The following EPB41L4B variants were observed in gnomAD, a reference collection of about 807,000 sequenced individuals.
EPB41L4B encodes band 4.1-like protein 4B.
A neutral mutation model predicts 112.5 loss-of-function variants in EPB41L4B; 30 were observed. The ratio of observed to expected loss-of-function variants is 0.27; its 90% CI spans 0.20 to 0.36. EPB41L4B has a LOEUF of 0.36. Ranked by LOEUF, EPB41L4B falls within the 10% of genes least tolerant of loss-of-function variation. The pLI is 1.00. For missense variants in EPB41L4B, 1,024 were observed against 1,133.3 expected (o/e 0.90, Z 1.38); for synonymous variants, 408 against 439.7 (o/e 0.93, Z 0.90).
intron 1 of EPB41L4B, among the ~76,000 whole-genome samples, chr9:109,318,220 T>G (rs1837706416): frequency 6.6e-6 from 1 of 151,924 alleles, no homozygotes; most frequent in South Asian, 2.1e-4. Flanking sequence ...CTAAGTCACA[T>G]CATAGAGGAA....
At chr9:109,245,833 C>T (rs3793562) in intron 14 of EPB41L4B, among the ~76,000 whole-genome samples, 12 of 152,304 alleles carry the variant, frequency 7.9e-5, no homozygotes, top group East Asian at 7.7e-4. Context: ...CCAAAGGACC[C>T]GTGGTTGCCA....
At chr9:109,306,040 A>C (rs1837178619) in intron 1 of EPB41L4B, among the ~76,000 whole-genome samples, 1 of 152,232 alleles carries the variant, frequency 6.6e-6, no homozygotes, top group African/African-American at 2.4e-5. Flanking sequence ...AGCCGTGAAG[A>C]AAAACTGGAG....
chr9:109,198,929 AAAAAAAAAAAAAAG>A (rs1832732695), intron 20 of EPB41L4B, among the ~76,000 whole-genome samples: 1 of 151,420 alleles, frequency 6.6e-6, no homozygotes, highest in African/African-American at 2.4e-5. Flanking sequence ...CTGTCTCAAA[AAAAAAAAAAAAAAG>A]GGAAATACCA....
At chr9:109,191,755 G>C (rs1233383308) in intron 22 of EPB41L4B, among the ~76,000 whole-genome samples, 1 of 152,128 alleles carries the variant, frequency 6.6e-6, no homozygotes, top group African/African-American at 2.4e-5. Context: ...GACCCACCAG[G>C]CCCTTTACTT....
intron 6 of EPB41L4B, among the ~76,000 whole-genome samples, chr9:109,258,714 T>C (rs1443117591): frequency 1.8e-4 from 28 of 152,098 alleles, no homozygotes; most frequent in Admixed American, 1.6e-3. Flanking sequence ...GGGTCTGCAG[T>C]GCTGGAGAGG....
chr9:109,247,625 T>C (rs1834608703), intron 14 of EPB41L4B, 131 bp downstream of exon 14: 1 of 573,074 alleles, frequency 1.7e-6, no homozygotes, highest in African/African-American at 1.9e-5. Context: ...GTTATTATTT[T>C]CTCAAAATCT....
intron 1 of EPB41L4B, among the ~76,000 whole-genome samples, chr9:109,290,310 T>A (rs777748910): frequency 6.6e-6 from 1 of 152,220 alleles, no homozygotes; most frequent in East Asian, 1.9e-4. Flanking sequence ...AAAGGAATTA[T>A]TGTGACTTTC....
intron 1 of EPB41L4B, among the ~76,000 whole-genome samples, chr9:109,303,812 T>C (rs77260348): frequency 0.041 from 6,242 of 151,772 alleles, 264 homozygotes; most frequent in East Asian, 0.14. Flanking sequence ...AGCCTTTTAT[T>C]TTTTTTTAAA....
At chr9:109,182,398 G>A (rs1270931062) in intron 24 of EPB41L4B, among the ~76,000 whole-genome samples, 1 of 152,194 alleles carries the variant, frequency 6.6e-6, no homozygotes, top group Non-Finnish European at 1.5e-5. Context: ...TTGCCAGCAG[G>A]TAGGAACAAA....
At position 109,200,186 on chromosome 9, in the gene EPB41L4B, A is replaced by G. The variant is rs150129866; in HGVS notation, c.2045+50T>C. On this transcript the variant is annotated intron_variant, in intron 20 of 25. Coordinates refer to ENST00000374566, the MANE Select transcript of EPB41L4B (RefSeq NM_019114.5). Reference sequence around the variant, plus strand: ...GCTAAGAAGCATTTGTATCTAAACAATTAGTCATCATAGTTGTTTTAATTG... The same window carrying G: ...GCTAAGAAGCATTTGTATCTAAACAGTTAGTCATCATAGTTGTTTTAATTG... 8 of 1,475,178 alleles carry G rather than the reference A, an allele frequency of 5.4e-6. No individual in the cohort carries two copies. In the African/African-American group the frequency reaches 6.9e-5, roughly 13 times the overall value. The allele number at this position is 1,475,178 out of a possible 1,614,324, so 91.4% of individuals were successfully genotyped here.
chr9:109,222,922 C>T (rs530991943), intron 15 of EPB41L4B, among the ~76,000 whole-genome samples: 61 of 152,180 alleles, frequency 4.0e-4, no homozygotes, highest in Non-Finnish European at 4.9e-4. Context: ...TTCTTCTCTT[C>T]CCTTTTCTCA....
intron 12 of EPB41L4B, among the ~76,000 whole-genome samples, chr9:109,251,848 G>A (rs775149075): frequency 1.3e-5 from 2 of 152,210 alleles, no homozygotes; most frequent in Non-Finnish European, 2.9e-5. Flanking sequence ...AACAGCACAC[G>A]GTGATCAGGG....
chr9:109,202,555 A>G lies in EPB41L4B; in HGVS notation c.1946+1108T>C, dbSNP rs1014123789. On this transcript the variant is annotated intron_variant, in intron 19 of 25. Transcript: ENST00000374566. ...TGGACCCATTTTGGGAAACTACCCT[A>G]AGGAGACCCTGCTGGTGTTAGTAAA... is the stretch of plus-strand genomic sequence containing the variant. 1.6e-4 allele frequency among the ~76,000 whole-genome samples: 25 copies of G among 152,168 alleles called. 1 individual carries two copies. The highest frequency in any genetic ancestry group is 1.3e-4 in the Non-Finnish European group (9 of 68,018).
chr9:109,236,344 A>G (rs1834141990), intron 15 of EPB41L4B, among the ~76,000 whole-genome samples: 1 of 152,112 alleles, frequency 6.6e-6, no homozygotes, highest in South Asian at 2.1e-4. Context: ...AAGGAAGTGC[A>G]TAGCTTTGCT....
intron 5 of EPB41L4B, among the ~76,000 whole-genome samples, chr9:109,263,544 T>C (rs1835291177): frequency 6.6e-6 from 1 of 152,234 alleles, no homozygotes; most frequent in Non-Finnish European, 1.5e-5. Context: ...TATCGAACAC[T>C]GCCAGCATGG....
At chr9:109,294,530 T>C (rs973633176) in intron 1 of EPB41L4B, among the ~76,000 whole-genome samples, 1 of 150,542 alleles carries the variant, frequency 6.6e-6, no homozygotes, top group African/African-American at 2.5e-5. Context: ...AGGAGGAAGA[T>C]TGAGGATTGC....
rs1833038106 is a variant in EPB41L4B, at chr9:109,207,912, C to A, written c.1878+12G>T. On this transcript the variant is annotated intron_variant, in intron 18 of 25. Transcript: ENST00000374566. ...TAACATGAAATCAAAGGAATGTATG[C>A]ATTCTGCGCACCTGGATGTTCACTC... 1.9e-6 allele frequency: 3 copies of A among 1,613,950 alleles called. No homozygotes were observed. Among genetic ancestry groups the A allele is most frequent in the Non-Finnish European group, 2.5e-6 (3 of 1,179,954 alleles).
intron 11 of EPB41L4B, 33 bp from the exon 12 acceptor site, chr9:109,253,583 A>G (rs1166394399): frequency 4.4e-6 from 6 of 1,373,096 alleles, no homozygotes; most frequent in South Asian, 2.3e-5. Flanking sequence ...TGTGTTATCA[A>G]TATCAGAATC....
intron 19 of EPB41L4B, 121 bp downstream of exon 19, chr9:109,203,542 C>T: frequency 1.2e-6 from 1 of 811,558 alleles, no homozygotes; most frequent in Non-Finnish European, 2.0e-6. Flanking sequence ...CTTTGGGCTC[C>T]TATTCTCTGT....
Sources: allele counts gnomAD v4.1 joint callset (sites outside exome capture counted in the v4.1 genomes callset), GRCh38; gene constraint gnomAD v4.1.1; transcripts MANE v1.5; gene names NCBI Gene and HGNC (gene_info 2026-07-23, HGNC 2026-07-21).